PCNT: variants seen among roughly 807,000 people sequenced by gnomAD.
PCNT encodes the protein pericentrin.
Under a neutral mutation model 380.4 loss-of-function variants are expected in PCNT, and 319 were observed. That is an observed-to-expected ratio of 0.84 (90% confidence interval 0.77 to 0.92). PCNT has a LOEUF of 0.92. Ranked by LOEUF, PCNT falls within the 40% of genes least tolerant of loss-of-function variation. The pLI is 0.00. For synonymous variants in PCNT, 1,845 were observed against 1,735.2 expected (o/e 1.06, Z -1.57); for missense variants, 4,400 against 4,255.3 (o/e 1.03, Z -0.95).
rs749609669 is a variant in PCNT, at chr21:46,334,795, G to A, written c.639+27G>A. 17 of 1,614,210 alleles carry A rather than the reference G, an allele frequency of 1.1e-5. 1 individual carries two copies. In the South Asian group the frequency reaches 1.8e-4, roughly 17 times the overall value. On this transcript the variant is annotated intron_variant, in intron 3 of 46. Transcript: ENST00000359568. ...TATTCTTTAAGTTCTCTGTTAAGGT[G>A]TATTCTTTGTCAAAAGATTTCTTTA... is the stretch of plus-strand genomic sequence containing the variant.
At chr21:46,370,469 A>G (rs2085080709) in intron 15 of PCNT, among the ~76,000 whole-genome samples, 1 of 151,468 alleles carries the variant, frequency 6.6e-6, no homozygotes, top group Non-Finnish European at 1.5e-5. Flanking sequence ...GGTGCCTGCC[A>G]GCTGATGATG....
At position 46,353,006 on chromosome 21, in the gene PCNT, G is replaced by T. The variant is rs550011510; in HGVS notation, c.1457-98G>T. On this transcript the variant is annotated intron_variant, in intron 9 of 46. Transcript: ENST00000359568. ...GGTTCTGGGATGGGCCCTTTTCCGA[G>T]TTCTGCCCCCACCACAGGTAACCAG... The T allele has an allele frequency of 5.1e-6, 5 of 983,184 alleles. No individual in the cohort carries two copies. In the African/African-American group the frequency reaches 7.9e-5, roughly 16 times the overall value. 60.9% of individuals were successfully genotyped at this position (983,184 alleles called of 1,614,324 possible). A position where few individuals can be genotyped will look rare whatever the true frequency, so the allele number is the denominator to read the frequency against.
chr21:46,427,386 G>A (rs2087551651), intron 33 of PCNT, among the ~76,000 whole-genome samples: 1 of 152,216 alleles, frequency 6.6e-6, no homozygotes, highest in African/African-American at 2.4e-5. Context: ...TGCCCACAGG[G>A]TTGGATTCTG....
At chr21:46,350,841 G>A (rs1206910755) in intron 8 of PCNT, among the ~76,000 whole-genome samples, 1 of 152,108 alleles carries the variant, frequency 6.6e-6, no homozygotes, top group Non-Finnish European at 1.5e-5. Context: ...CCCATGATTG[G>A]GAAAGGTAGG....
At position 46,444,591 on chromosome 21, in the gene PCNT, G is replaced by A. The variant is rs898892552; in HGVS notation, c.9840-103G>A. 3.1e-6 allele frequency: 4 copies of A among 1,302,062 alleles called. No homozygotes were observed. In the South Asian group the frequency reaches 4.9e-5, roughly 16 times the overall value. 80.7% of individuals were successfully genotyped at this position (1,302,062 alleles called of 1,614,324 possible). A position where few individuals can be genotyped will look rare whatever the true frequency, so the allele number is the denominator to read the frequency against. On this transcript the variant is annotated intron_variant, in intron 45 of 46. Transcript: ENST00000359568. ...CCATCCCCACGGGTCTGGTTGGCGG[G>A]GCTGGTGCCTTTCTTCTGCACTCAG...
At chr21:46,413,601 A>C (rs1445429320) in intron 29 of PCNT, among the ~76,000 whole-genome samples, 1 of 152,190 alleles carries the variant, frequency 6.6e-6, no homozygotes, top group African/African-American at 2.4e-5. Flanking sequence ...AATTGATCCA[A>C]ATGGATTTAA....
Position 46,418,210 on chromosome 21 carries a change from G to A in PCNT, c.6928G>A (p.Asp2310Asn), listed in dbSNP as rs762918904. Residue 2310 changes from aspartate (D) to asparagine (N), a missense_variant, in exon 31 of 47, where the codon GAT (aspartate) becomes AAT (asparagine). Coordinates refer to ENST00000359568, the MANE Select transcript of PCNT (RefSeq NM_006031.6). ...HHVQRTAVEK[D>N]VEDFITTSFD... ...TTTAAAAATCTCTTAACAGGAGAAA[G>A]ATGTCGAAGATTTTATCACAACATC... 3 of 1,565,040 alleles carry A rather than the reference G, an allele frequency of 1.9e-6. No homozygotes were observed. Among genetic ancestry groups the A allele is most frequent in the Non-Finnish European group, 2.6e-6 (3 of 1,138,210 alleles).
chr21:46,357,223 C>A, intron 13 of PCNT, 32 bp downstream of exon 13: 1 of 1,440,282 alleles, frequency 6.9e-7, no homozygotes, highest in South Asian at 1.1e-5. Context: ...CAGCGCCTCC[C>A]GCCCGAGTCC....
At position 46,422,125 on chromosome 21, in the gene PCNT, G is replaced by T. The variant is rs775287319; in HGVS notation, c.7179+1G>T. ...GGAAGTGCGTCCGAAGCACGTGAAG[G>T]TATGGCTGGCAGGGGCGGCCCTCAC... On this transcript the variant is annotated splice_donor_variant, in intron 32 of 46. Coordinates refer to ENST00000359568, the MANE Select transcript of PCNT (RefSeq NM_006031.6). LOFTEE classifies it high-confidence loss of function. 10 of 1,613,500 alleles carry T rather than the reference G, an allele frequency of 6.2e-6. No homozygotes were observed. The highest frequency in any genetic ancestry group is 8.5e-6 in the Non-Finnish European group (10 of 1,180,030).
Position 46,431,516 on chromosome 21 carries a change from G to A in PCNT, c.8065-13G>A, listed in dbSNP as rs757900660. On this transcript the variant is annotated splice_polypyrimidine_tract_variant and intron_variant, in intron 37 of 46. Transcript: ENST00000359568. ...TGATTCAGTGTCTCCCATCGTATGT[G>A]TTTGCTGTCTAGGAGCTGCGGGCGT... is the stretch of plus-strand genomic sequence containing the variant. The A allele has an allele frequency of 1.9e-6, 3 of 1,613,972 alleles. No individual in the cohort carries two copies. The highest frequency in any genetic ancestry group is 2.5e-6 in the Non-Finnish European group (3 of 1,179,926).
At chr21:46,431,272 G>T (rs751768852) in intron 37 of PCNT, 36 of 1,351,044 alleles carry the variant, frequency 2.7e-5, no homozygotes, top group Non-Finnish European at 3.4e-5. Context: ...TCATTTTCTG[G>T]AGAGGGACAG....
At chr21:46,376,426 G>A (rs915393652) in intron 15 of PCNT, among the ~76,000 whole-genome samples, 25 of 152,134 alleles carry the variant, frequency 1.6e-4, no homozygotes, top group African/African-American at 5.1e-4. Flanking sequence ...GTTTGCCCTC[G>A]GGCCCCACAG....
chr21:46,441,916 C>T (rs2053615950), intron 43 of PCNT, among the ~76,000 whole-genome samples: 1 of 152,154 alleles, frequency 6.6e-6, no homozygotes, highest in Non-Finnish European at 1.5e-5. Flanking sequence ...TCGGCAGTGT[C>T]TGCTATGCCT....
rs202005598 is a variant in PCNT at position 46,389,340 on chromosome 21, G to A, written c.3749G>A (p.Arg1250Gln). 108 of 1,614,116 alleles carry A rather than the reference G, an allele frequency of 6.7e-5. No homozygotes were observed. Among genetic ancestry groups the A allele is most frequent in the East Asian group, 4.0e-4 (18 of 44,880 alleles). ...ESFLMSPESVRECEQPIRRVF... is the reference protein window; with the variant it reads ...ESFLMSPESVQECEQPIRRVF... Reference sequence around the variant, plus strand: ...TTTCTCATGAGCCCAGAAAGTGTGCGGGAGTGTGAGCAGCCCATCCGGAGG... The same window carrying A: ...TTTCTCATGAGCCCAGAAAGTGTGCAGGAGTGTGAGCAGCCCATCCGGAGG... Residue 1250 changes from arginine to glutamine, a missense_variant, in exon 19 of 47, where the codon CGG (arginine) becomes CAG (glutamine). Arg to Gln is a conservative substitution (Grantham distance 43). Coordinates refer to ENST00000359568, the MANE Select transcript of PCNT (RefSeq NM_006031.6).
chr21:46,410,541 C>G (rs145502368), intron 27 of PCNT, among the ~76,000 whole-genome samples: 1 of 152,332 alleles, frequency 6.6e-6, no homozygotes, highest in African/African-American at 2.4e-5. Flanking sequence ...TAATTTTCCA[C>G]TTACTGTTTT....
At chr21:46,330,231 C>T (rs2083514378) in intron 2 of PCNT, among the ~76,000 whole-genome samples, 1 of 152,048 alleles carries the variant, frequency 6.6e-6, no homozygotes, top group Non-Finnish European at 1.5e-5. Context: ...GACCCTCCTG[C>T]CTCAGCCTCC....
chr21:46,425,198 T>C lies in PCNT; in HGVS notation c.7180-633T>C, dbSNP rs2087443228. ...GGCCGTCTGCTTACCCCTCAGCCTC[T>C]CTGGCGAGACAGTCAAGTGTGTGTC... On this transcript the variant is annotated intron_variant, in intron 32 of 46. Transcript: ENST00000359568. The surrounding 1 kb of genome is among the most constrained non-coding windows in gnomAD (Gnocchi z 4.2). 6.6e-6 allele frequency among the ~76,000 whole-genome samples: 1 copy of C among 152,132 alleles called. No individual in the cohort carries two copies. Among genetic ancestry groups the C allele is most frequent in the African/African-American group, 2.4e-5 (1 of 41,430 alleles).
rs139106698 is a variant in PCNT, at chr21:46,334,508, C to G, written c.379C>G (p.Pro127Ala). The change falls in exon 3 of 47, where the codon CCA becomes GCA. Residue 127 changes from proline to alanine, a missense_variant. Pro to Ala is a conservative substitution (Grantham distance 27). Coordinates refer to ENST00000359568, the MANE Select transcript of PCNT (RefSeq NM_006031.6). ...GATGTTCACAGTCAGTGACCACCCA[C>G]CAGAACAGCATGGGATGTTCACAGT... ...CGMFTVSDHP[P>A]EQHGMFTVGD... 6.2e-7 allele frequency: 1 copy of G among 1,609,996 alleles called. No homozygotes were observed. The highest frequency in any genetic ancestry group is 2.2e-5 in the East Asian group (1 of 44,824).
intron 12 of PCNT, 29 bp from the exon 13 acceptor site, chr21:46,356,941 CCTGA>C (rs1333078566): frequency 1.4e-5 from 22 of 1,598,778 alleles, no homozygotes; most frequent in African/African-American, 1.2e-4. Flanking sequence ...CCGGCACCGG[CCTGA>C]CTGTCTTCCC....
Sources: gnomAD v4.1 joint callset for allele counts (sites outside exome capture counted in the v4.1 genomes callset) on GRCh38, gnomAD v4.1.1 for gene constraint, Gnocchi (gnomAD v3.1) non-coding constraint, MANE v1.5 for transcripts, NCBI Gene and HGNC (gene_info 2026-07-23, HGNC 2026-07-21) for gene names.